PDE6B: variants seen among roughly 807,000 people sequenced by gnomAD.
PDE6B encodes phosphodiesterase 6B.
In PDE6B, 106 loss-of-function variants were observed where a neutral mutation model predicts 109.0. The ratio of observed to expected loss-of-function variants is 0.97; its 90% confidence interval spans 0.83 to 1.14. The LOEUF (loss-of-function observed/expected upper bound fraction) is 1.14. PDE6B is among the 50% of genes most tolerant of loss of function. PDE6B has a pLI of 0.00. For synonymous variants in PDE6B, 490 were observed against 471.3 expected (o/e 1.04, Z -0.51); for missense variants, 1,193 against 1,155.6 (o/e 1.03, Z -0.47).
chr4:638,970 C>G (rs1446398633), intron 3 of PDE6B, among the ~76,000 whole-genome samples: 1 of 152,214 alleles, frequency 6.6e-6, no homozygotes. Flanking sequence ...GAGCCCAACC[C>G]TCTGTTCCCT....
rs761498587 is a variant in PDE6B, at chr4:664,178, G to A, written c.2086G>A (p.Val696Met). The A allele has an allele frequency of 1.2e-6, 2 of 1,611,922 alleles. No homozygotes were observed. The highest frequency in any genetic ancestry group is 1.3e-5 in the African/African-American group (1 of 75,016). Residue 696 changes from valine to methionine, a missense_variant, in exon 17 of 22, where the codon GTG becomes ATG. By Grantham distance (21) the Val-to-Met change is conservative. Coordinates refer to ENST00000496514, the MANE Select transcript of PDE6B (RefSeq NM_000283.4). ...SKNYQDKKSW[V>M]EYLSLETTRK... The stretch of plus-strand genomic sequence containing the variant: ...GAACTACCAGGACAAGAAGAGCTGG[G>A]TGGAGTACCTGTCCCTGGAGACGAC...
At chr4:655,405 TC>T in intron 6 of PDE6B, 1 of 278,526 alleles carries the variant, frequency 3.6e-6, no homozygotes, top group Non-Finnish European at 6.9e-6. Flanking sequence ...TGGGACCCCA[TC>T]CCCAGGCCCC....
chr4:654,753 C>CTGTGTG lies in PDE6B; in HGVS notation c.928-60_928-55dup, dbSNP rs144362048. The CTGTGTG allele has an allele frequency of 1.6e-4, 127 of 808,568 alleles. No homozygotes were observed. In the African/African-American group the frequency reaches 1.8e-3, roughly 12 times the overall value. 50.1% of individuals were successfully genotyped at this position (808,568 alleles called of 1,614,324 possible). ...TGTGGCTGTGTGTAGCTGCATGTAGCTGTGTGTGTGTGTGTGAGCCCCTCA... is the reference window on the plus strand; with the variant it reads ...TGTGGCTGTGTGTAGCTGCATGTAGCTGTGTGTGTGTGTGTGTGTGTGAGCCCCTCA... On this transcript the variant is annotated intron_variant, in intron 5 of 21. Transcript: ENST00000496514.
chr4:649,202 AATACAGTGTTCTAGTTT>A (rs1185719590), intron 3 of PDE6B, among the ~76,000 whole-genome samples: 12 of 152,158 alleles, frequency 7.9e-5, no homozygotes, highest in Non-Finnish European at 1.5e-5. Context: ...CTTTCCTTTT[AATACAGTGTTCTAGTTT>A]ATAGGTTACA....
At position 666,264 on chromosome 4, in the gene PDE6B, C is replaced by A. The variant is rs1737787929; in HGVS notation, c.2269-267C>A. On this transcript the variant is annotated intron_variant, in intron 19 of 21. Transcript: ENST00000496514. The surrounding 1 kb of genome is among the most constrained non-coding windows in gnomAD (Gnocchi z 5.6). ...CCAGCTGCAGTAAGGGTCCCCAGAG[C>A]CAAGAGGGGGCTGCCCTCAGGGGAC... Among the ~76,000 whole-genome samples, 1 of 152,168 alleles carries A rather than the reference C, an allele frequency of 6.6e-6. No homozygotes were observed. Among genetic ancestry groups the A allele is most frequent in the Non-Finnish European group, 1.5e-5 (1 of 68,010 alleles).
intron 3 of PDE6B, among the ~76,000 whole-genome samples, chr4:643,475 T>C (rs948090234): frequency 1.3e-5 from 2 of 152,230 alleles, no homozygotes; most frequent in East Asian, 1.9e-4. Flanking sequence ...GAAGGGATTG[T>C]AGTGAATTGA....
At chr4:661,966 G>T in intron 12 of PDE6B, 168 bp from the exon 13 acceptor site, 1 of 651,796 alleles carries the variant, frequency 1.5e-6, no homozygotes, top group Non-Finnish European at 2.8e-6. Flanking sequence ...AGGAAGGCCA[G>T]CAGAGGCCAG....
Position 655,984 on chromosome 4 carries a change from G to A in PDE6B, c.1037G>A (p.Ser346Asn). Residue 346 changes from serine to asparagine, a missense_variant, in exon 7 of 22, where the codon AGC becomes AAC. By Grantham distance (46) the Ser-to-Asn change is conservative. Transcript: ENST00000496514. ...DHWALASGLP[S>N]YVAESGFICN... is the part of the protein sequence containing the mutation. ...TGGGCCCTGGCCAGCGGCCTTCCAA[G>A]CTACGTGGCAGAAAGCGGCTTTGTG... 6.2e-7 allele frequency: 1 copy of A among 1,610,342 alleles called. No individual in the cohort carries two copies. Among genetic ancestry groups the A allele is most frequent in the South Asian group, 1.1e-5 (1 of 91,006 alleles).
Position 636,098 on chromosome 4 carries a change from G to A in PDE6B, c.711+129G>A. On this transcript the variant is annotated intron_variant, in intron 3 of 21. Coordinates refer to ENST00000496514, the MANE Select transcript of PDE6B (RefSeq NM_000283.4). This position sits in a 1 kb window ranked among gnomAD's most constrained non-coding sequence, Gnocchi z 4.5. ...CTGGGTAGGTCCTGGGGTGGGCATT[G>A]CTCAGGGGAGAGGAGGGCTCCATGG... The A allele has an allele frequency of 1.5e-6, 1 of 684,632 alleles. No individual in the cohort carries two copies. The highest frequency in any genetic ancestry group is 2.7e-5 in the East Asian group (1 of 37,698). 42.4% of individuals were successfully genotyped at this position (684,632 alleles called of 1,614,324 possible). A position where few individuals can be genotyped will look rare whatever the true frequency, so the allele number is the denominator to read the frequency against.
At chr4:668,071 A>G (rs944234809) in intron 21 of PDE6B, 65 bp downstream of exon 21, 9 of 1,467,406 alleles carry the variant, frequency 6.1e-6, no homozygotes, top group Non-Finnish European at 6.6e-6. Flanking sequence ...ATGAAAAGAC[A>G]GGGCACAGAG....
Position 660,574 on chromosome 4 carries a change from C to T in PDE6B, c.1575C>T (p.Tyr525=), listed in dbSNP as rs373724992. Residue 525 remains tyrosine (Y), a synonymous_variant, in exon 12 of 22, where the codon TAC becomes TAT. Transcript: ENST00000496514. ...DLVKCGIQMY[Y]ELGVVRKFQI... ...TCAAATGTGGCATCCAGATGTACTA[C>T]GAGCTGGGCGTGGTCCGAAAGTTCC... is the stretch of plus-strand genomic sequence containing the variant. The T allele has an allele frequency of 1.3e-5, 21 of 1,613,626 alleles. No homozygotes were observed. The East Asian group carries it at 2.2e-4, about 17-fold the overall frequency.
At chr4:634,632 C>T in intron 1 of PDE6B, 45 bp from the exon 2 acceptor site, 1 of 1,547,578 alleles carries the variant, frequency 6.5e-7, no homozygotes, top group Non-Finnish European at 8.9e-7. Flanking sequence ...GGCTCCAGGC[C>T]CACGGTGCGA....
rs1737795509 is a variant in PDE6B at position 666,367 on chromosome 4, A to G, written c.2269-164A>G. Among the ~76,000 whole-genome samples, 1 of 151,950 alleles carries G rather than the reference A, an allele frequency of 6.6e-6. No homozygotes were observed. The highest frequency in any genetic ancestry group is 2.4e-5 in the African/African-American group (1 of 41,356). On this transcript the variant is annotated intron_variant, in intron 19 of 21. Transcript: ENST00000496514. The surrounding 1 kb of genome is among the most constrained non-coding windows in gnomAD (Gnocchi z 5.6). ...GAGCTGTGGAGCCGCTGGCCAAGGG[A>G]GAGGGTGTCAGCTTCCCCTCCCGAG...
chr4:655,736 T>A, intron 6 of PDE6B: 1 of 645,202 alleles, frequency 1.5e-6, no homozygotes, highest in Non-Finnish European at 2.8e-6. Context: ...CTGACCCCAG[T>A]ACACCTACAT....
intron 11 of PDE6B, among the ~76,000 whole-genome samples, chr4:659,787 G>A (rs1040437953): frequency 6.6e-6 from 1 of 152,104 alleles, no homozygotes; most frequent in African/African-American, 2.4e-5. Context: ...TGTGCACATG[G>A]ATATATATAG....
In PDE6B at chr4:662,697, A is replaced by G. The variant is rs1218315081; in HGVS notation, c.1832+79A>G. On this transcript the variant is annotated intron_variant, in intron 14 of 21. Transcript: ENST00000496514. The surrounding 1 kb of genome is among the most constrained non-coding windows in gnomAD (Gnocchi z 4.3). ...TGGCGTGAATTAGGCTTCGCATAGCAGGCTATGTAGAAAGTGGAGTCCACG... is the reference window on the plus strand; with the variant it reads ...TGGCGTGAATTAGGCTTCGCATAGCGGGCTATGTAGAAAGTGGAGTCCACG... 2 of 930,242 alleles carry G rather than the reference A, an allele frequency of 2.1e-6. No homozygotes were observed. Among genetic ancestry groups the G allele is most frequent in the Non-Finnish European group, 3.5e-6 (2 of 565,386 alleles). The allele number at this position is 930,242 out of a possible 1,614,324, so 57.6% of individuals were successfully genotyped here.
chr4:660,639 T>G, intron 12 of PDE6B, 26 bp downstream of exon 12: 1 of 1,610,880 alleles, frequency 6.2e-7, no homozygotes, highest in Non-Finnish European at 8.5e-7. Flanking sequence ...GGGCGCATAG[T>G]CAGGTCCCTG....
chr4:664,729 TCGGGAGGCGGA>T, intron 17 of PDE6B, 141 bp from the exon 18 acceptor site: 1 of 733,938 alleles, frequency 1.4e-6, no homozygotes, highest in Non-Finnish European at 2.5e-6. Flanking sequence ...GGCACAAGAA[TCGGGAGGCGGA>T]GGTTGCAGTG....
At chr4:658,392 C>T (rs1319981424) in intron 10 of PDE6B, among the ~76,000 whole-genome samples, 1 of 144,356 alleles carries the variant, frequency 6.9e-6, no homozygotes, top group African/African-American at 2.6e-5. Context: ...GCAGGTCGTC[C>T]AGGGGTCACG....
Sources: allele counts gnomAD v4.1 joint callset (sites outside exome capture counted in the v4.1 genomes callset), GRCh38; gene constraint gnomAD v4.1.1; non-coding constraint Gnocchi (gnomAD v3.1); transcripts MANE v1.5; gene names NCBI Gene and HGNC (gene_info 2026-07-23, HGNC 2026-07-21).